Variants in PXDNL observed in about 807,000 individuals in gnomAD.
The protein encoded by PXDNL is probable oxidoreductase PXDNL.
Under a neutral mutation model 150.8 loss-of-function variants are expected in PXDNL, and 145 were observed. That is an observed-to-expected ratio of 0.96 (90% CI 0.84 to 1.10). The LOEUF is 1.10. Among genes scored for constraint, PXDNL ranks in the 50% least tolerant of loss-of-function variants. PXDNL has a pLI of 0.00. For missense variants in PXDNL, 2,087 were observed against 1,873.9 expected (o/e 1.11, Z -2.10); for synonymous variants, 757 against 725.7 (o/e 1.04, Z -0.69).
chr8:51,436,946 T>C (rs538313288), intron 12 of PXDNL, among the ~76,000 whole-genome samples: 1 of 152,242 alleles, frequency 6.6e-6, no homozygotes, highest in South Asian at 2.1e-4. Flanking sequence ...ATAAAATTCA[T>C]AGGTCATTAG....
At chr8:51,706,844 C>T (rs1366555034) in intron 1 of PXDNL, among the ~76,000 whole-genome samples, 1 of 152,158 alleles carries the variant, frequency 6.6e-6, no homozygotes, top group Non-Finnish European at 1.5e-5. Flanking sequence ...CAGTGAATTT[C>T]TTAAAAAGCC....
In PXDNL at chr8:51,809,216, G is replaced by A; in HGVS notation, c.129C>T (p.Asp43=). The change falls in exon 1 of 23, where the codon GAC becomes GAT. Residue 43 remains aspartate (D), a synonymous_variant. Transcript: ENST00000356297. The part of the protein sequence containing the change: ...STVRCMHLML[D]HIPQVPQQTT... ...TCTGCTGTGGTACCTGAGGAATGTG[G>A]TCCAGCATCAAGTGCATGCAGCGGA... The A allele has an allele frequency of 6.2e-7, 1 of 1,613,782 alleles. No homozygotes were observed. Among genetic ancestry groups the A allele is most frequent in the Non-Finnish European group, 8.5e-7 (1 of 1,179,834 alleles).
intron 1 of PXDNL, among the ~76,000 whole-genome samples, chr8:51,665,166 C>T (rs1428759006): frequency 1.3e-5 from 2 of 152,144 alleles, no homozygotes. Context: ...GACAACTGTG[C>T]TCTGGGAACC....
intron 1 of PXDNL, among the ~76,000 whole-genome samples, chr8:51,804,982 C>A (rs1008362118): frequency 1.3e-5 from 2 of 151,890 alleles, no homozygotes; most frequent in South Asian, 2.1e-4. Context: ...CCACACTCAC[C>A]TGCCCTTCCT....
intron 1 of PXDNL, among the ~76,000 whole-genome samples, chr8:51,789,412 C>A (rs1585751724): frequency 6.6e-6 from 1 of 152,182 alleles, no homozygotes; most frequent in Middle Eastern, 3.4e-3. Flanking sequence ...GGGCGTGACA[C>A]AAGTCTTCAG....
At chr8:51,436,036 CA>C (rs1809398895) in intron 12 of PXDNL, 3 of 528,580 alleles carry the variant, frequency 5.7e-6, no homozygotes, top group South Asian at 2.8e-5. Flanking sequence ...ATTCCTTGTT[CA>C]AAATAGTCAT....
chr8:51,686,887 A>G (rs1263471452), intron 1 of PXDNL, among the ~76,000 whole-genome samples: 4 of 152,186 alleles, frequency 2.6e-5, no homozygotes, highest in Non-Finnish European at 5.9e-5. Flanking sequence ...TAAATTAGAA[A>G]GGGTTAATAG....
At chr8:51,511,247 A>G (rs1218553402) in intron 4 of PXDNL, among the ~76,000 whole-genome samples, 1 of 152,194 alleles carries the variant, frequency 6.6e-6, no homozygotes, top group Non-Finnish European at 1.5e-5. Context: ...ATCATCTGTA[A>G]AAATCACCTA....
chr8:51,629,417 G>C (rs1409487085), intron 2 of PXDNL, among the ~76,000 whole-genome samples: 1 of 152,058 alleles, frequency 6.6e-6, no homozygotes. Context: ...GAACCTAAGA[G>C]ACTGTGGGAC....
chr8:51,509,743 C>CATATATAT (rs1811370081), intron 4 of PXDNL, among the ~76,000 whole-genome samples: 2 of 50,492 alleles, frequency 4.0e-5, no homozygotes, highest in South Asian at 5.4e-4. Flanking sequence ...TACATATATA[C>CATATATAT]ACACACACAC....
intron 8 of PXDNL, among the ~76,000 whole-genome samples, chr8:51,459,238 A>AT (rs1481446733): frequency 1.3e-5 from 2 of 152,180 alleles, no homozygotes; most frequent in East Asian, 3.9e-4. Context: ...AAGAAATAAT[A>AT]TTTTTTCTTA....
chr8:51,541,253 T>TTAAAAAAAA, intron 4 of PXDNL, among the ~76,000 whole-genome samples: 1 of 127,210 alleles, frequency 7.9e-6, no homozygotes, highest in African/African-American at 2.9e-5. Flanking sequence ...TGAGACTCCA[T>TTAAAAAAAA]AAAAAAAAAA....
At chr8:51,789,830 G>C (rs2037494246) in intron 1 of PXDNL, among the ~76,000 whole-genome samples, 1 of 151,888 alleles carries the variant, frequency 6.6e-6, no homozygotes, top group South Asian at 2.1e-4. Flanking sequence ...ACAAATATTA[G>C]GAAATTAAAG....
chr8:51,420,440 ATCTT>A (rs960167915), intron 14 of PXDNL, among the ~76,000 whole-genome samples: 4 of 152,124 alleles, frequency 2.6e-5, no homozygotes, highest in Admixed American at 2.0e-4. Context: ...GTATTCTTTC[ATCTT>A]TCTTTTACTT....
intron 2 of PXDNL, among the ~76,000 whole-genome samples, chr8:51,624,166 A>G (rs964119299): frequency 6.7e-6 from 1 of 150,244 alleles, no homozygotes; most frequent in African/African-American, 2.4e-5. Context: ...TCAGAATCCT[A>G]TCTGCCCCCG....
chr8:51,791,443 G>A (rs1437117403), intron 1 of PXDNL, among the ~76,000 whole-genome samples: 5 of 152,178 alleles, frequency 3.3e-5, no homozygotes. Context: ...ACAAACAACG[G>A]CTCAGAGCTT....
chr8:51,470,867 A>G (rs1810312852), intron 8 of PXDNL, among the ~76,000 whole-genome samples: 1 of 152,162 alleles, frequency 6.6e-6, no homozygotes, highest in South Asian at 2.1e-4. Flanking sequence ...TGTAAGACCT[A>G]AAACCATAAA....
chr8:51,498,669 C>T (rs1014550205), intron 5 of PXDNL, among the ~76,000 whole-genome samples: 1 of 152,072 alleles, frequency 6.6e-6, no homozygotes, highest in African/African-American at 2.4e-5. Flanking sequence ...GTGTAATTAC[C>T]ACCCAGGAAA....
chr8:51,538,806 A>T (rs991414797), intron 4 of PXDNL, among the ~76,000 whole-genome samples: 3 of 152,152 alleles, frequency 2.0e-5, no homozygotes, highest in Admixed American at 1.3e-4. Flanking sequence ...AAAGTTGGAG[A>T]CACTTTACTG....
Sources: gnomAD v4.1 joint callset for allele counts (sites outside exome capture counted in the v4.1 genomes callset) on GRCh38, gnomAD v4.1.1 for gene constraint, MANE v1.5 for transcripts, NCBI Gene and HGNC (gene_info 2026-07-23, HGNC 2026-07-21) for gene names.